Variants in DNAAF5 observed in about 807,000 individuals in gnomAD.
DNAAF5 encodes the protein dynein axonemal assembly factor 5.
DNAAF5 carries 64 observed loss-of-function variants against 75.8 expected under a neutral mutation model. The observed-to-expected ratio is 0.84, with a 90% CI of 0.69 to 1.04. DNAAF5 has a LOEUF of 1.04. Ranked by LOEUF, DNAAF5 falls within the 50% of genes least tolerant of loss-of-function variation. DNAAF5 has a pLI of 0.00. For missense variants in DNAAF5, 1,269 were observed against 1,178.5 expected (o/e 1.08, Z -1.12); for synonymous variants, 657 against 557.2 (o/e 1.18, Z -2.52).
intron 2 of DNAAF5, among the ~76,000 whole-genome samples, chr7:739,105 CA>C (rs1781824856): frequency 1.8e-5 from 1 of 54,258 alleles, no homozygotes; most frequent in Non-Finnish European, 4.0e-5. Flanking sequence ...CCCTCTGCCC[CA>C]TCACTGTATA....
At position 740,806 on chromosome 7, in the gene DNAAF5, C is replaced by T. The variant is rs762984807; in HGVS notation, c.781-13C>T. The T allele has an allele frequency of 2.5e-6, 4 of 1,613,210 alleles. No individual in the cohort carries two copies. In the East Asian group the frequency reaches 6.7e-5, roughly 27 times the overall value. On this transcript the variant is annotated splice_polypyrimidine_tract_variant and intron_variant, in intron 2 of 12. Coordinates refer to ENST00000297440, the MANE Select transcript of DNAAF5 (RefSeq NM_017802.4). ...TGCCTACACGAATCCTTATCCCTTCCTCTCATGCGCAGGTCCGGCGGGCGG... is the reference window on the plus strand; with the variant it reads ...TGCCTACACGAATCCTTATCCCTTCTTCTCATGCGCAGGTCCGGCGGGCGG...
intron 1 of DNAAF5, 136 bp from the exon 2 acceptor site, chr7:729,521 CTGTTCA>C: frequency 1.4e-6 from 1 of 732,016 alleles, no homozygotes; most frequent in South Asian, 1.8e-5. Context: ...GGATTGTGTA[CTGTTCA>C]TGCAGCAAGG....
intron 11 of DNAAF5, among the ~76,000 whole-genome samples, chr7:776,215 A>C (rs1778756592): frequency 6.6e-6 from 1 of 152,160 alleles, no homozygotes; most frequent in Non-Finnish European, 1.5e-5. Flanking sequence ...GCGCGCCTGT[A>C]GTTCCAGCTA....
At chr7:743,269 A>G (rs28756034) in intron 4 of DNAAF5, among the ~76,000 whole-genome samples, 121,163 of 151,998 alleles carry the variant, frequency 0.8, 48,566 homozygotes, top group Middle Eastern at 0.9. Flanking sequence ...CAGCTGCTCC[A>G]GAGGCTGAGG....
intron 6 of DNAAF5, among the ~76,000 whole-genome samples, chr7:761,205 A>G (rs915954854): frequency 7.9e-5 from 12 of 152,164 alleles, no homozygotes; most frequent in Non-Finnish European, 1.5e-4. Context: ...CCCATCAACA[A>G]GCACGCCCTT....
chr7:774,127 G>A lies in DNAAF5; in HGVS notation c.2011G>A (p.Ala671Thr), dbSNP rs751454661. Residue 671 changes from alanine (A) to threonine (T), a missense_variant, in exon 10 of 13, where the codon GCG becomes ACG. By Grantham distance (58) the Ala-to-Thr change is moderately conservative. Transcript: ENST00000297440. ...GCAGTGGCATGCGGGGAGGACAGCC[G>A]CGGCCATCCGCACGGCTGCCGTGTC... is the stretch of plus-strand genomic sequence containing the variant. ...NLQWHAGRTA[A>T]AIRTAAVSCL... is the part of the protein sequence containing the mutation. 4.5e-5 allele frequency: 73 copies of A among 1,612,966 alleles called. No individual in the cohort carries two copies. The South Asian group carries it at 4.7e-4, about 10-fold the overall frequency.
rs1160773035 is a variant in DNAAF5 at position 746,777 on chromosome 7, C to G, written c.1024+5312C>G. 2.6e-5 allele frequency among the ~76,000 whole-genome samples: 4 copies of G among 152,296 alleles called. No individual in the cohort carries two copies. In the South Asian group the frequency reaches 8.3e-4, roughly 32 times the overall value. ...GGGCTGCAGCTCTGTGAGTTTTGAG[C>G]AGCACCGCCTCTGTCCCCTGCATGT... On this transcript the variant is annotated intron_variant, in intron 4 of 12. Coordinates refer to ENST00000297440, the MANE Select transcript of DNAAF5 (RefSeq NM_017802.4).
At chr7:764,981 CGTG>C (rs1782776117) in intron 8 of DNAAF5, among the ~76,000 whole-genome samples, 1 of 151,948 alleles carries the variant, frequency 6.6e-6, no homozygotes. Context: ...GTTAGCCAGG[CGTG>C]GTGGTGTGCG....
intron 8 of DNAAF5, among the ~76,000 whole-genome samples, chr7:770,236 G>A (rs1778509007): frequency 6.6e-6 from 1 of 152,234 alleles, no homozygotes; most frequent in South Asian, 2.1e-4. Context: ...ATAGGCATGA[G>A]CCACCATGCC....
intron 12 of DNAAF5, among the ~76,000 whole-genome samples, chr7:783,679 G>A (rs1418077256): frequency 6.6e-6 from 1 of 152,170 alleles, no homozygotes; most frequent in African/African-American, 2.4e-5. Context: ...TGCAGGCCTC[G>A]CTGGGACAGC....
chr7:769,098 GGCAAGGGCAGGT>G, intron 8 of DNAAF5: 1 of 740,252 alleles, frequency 1.4e-6, no homozygotes, highest in Non-Finnish European at 2.5e-6. Flanking sequence ...GTCTCCGTGT[GGCAAGGGCAGGT>G]GCGGGGGTCT....
At chr7:782,576 GA>G (rs1779001436) in intron 12 of DNAAF5, among the ~76,000 whole-genome samples, 1 of 130,722 alleles carries the variant, frequency 7.6e-6, no homozygotes, top group African/African-American at 3.0e-5. Context: ...CAGAAACTCG[GA>G]TCTTCCCGGC....
intron 2 of DNAAF5, among the ~76,000 whole-genome samples, chr7:739,539 C>T (rs930392662): frequency 6.6e-6 from 1 of 152,218 alleles, no homozygotes; most frequent in Admixed American, 6.5e-5. Context: ...TTAATGACCC[C>T]GGCAAACGCG....
intron 4 of DNAAF5, among the ~76,000 whole-genome samples, chr7:753,261 A>C (rs192529201): frequency 1.3e-5 from 2 of 152,280 alleles, no homozygotes; most frequent in Non-Finnish European, 2.9e-5. Context: ...AGCGGGCACT[A>C]AACTGGCATC....
Position 754,772 on chromosome 7 carries a change from G to A in DNAAF5, c.1208G>A (p.Arg403Gln), listed in dbSNP as rs149778130. 856 of 1,612,996 alleles carry A rather than the reference G, an allele frequency of 5.3e-4. 1 individual carries two copies. The highest frequency in any genetic ancestry group is 6.6e-4 in the Non-Finnish European group (781 of 1,179,774). The change falls in exon 5 of 13, where the codon CGG becomes CAG. Residue 403 changes from arginine (R) to glutamine (Q), a missense_variant. Coordinates refer to ENST00000297440, the MANE Select transcript of DNAAF5 (RefSeq NM_017802.4). The surrounding 1 kb of genome is among the most constrained non-coding windows in gnomAD (Gnocchi z 4.8). ...ACGCAGCACCTGGAGGTCGTCCTCC[G>A]GACCCTGTTCCAGGCCTGCACCGAC... ...HATQHLEVVLRTLFQACTDEE... is the reference protein window; with the variant it reads ...HATQHLEVVLQTLFQACTDEE...
intron 9 of DNAAF5, 23 bp downstream of exon 9, chr7:770,641 C>CA (rs765465909): frequency 5.6e-6 from 9 of 1,607,738 alleles, no homozygotes; most frequent in Non-Finnish European, 6.8e-6. Flanking sequence ...TCTGCCTCTG[C>CA]ACGGCCCCCA....
chr7:740,399 A>G (rs1462932211), intron 2 of DNAAF5, among the ~76,000 whole-genome samples: 2 of 152,206 alleles, frequency 1.3e-5, no homozygotes, highest in Non-Finnish European at 2.9e-5. Flanking sequence ...CACTTGCTGT[A>G]GCCACGGCTC....
In DNAAF5 at chr7:754,458, C is replaced by T. The variant is rs544511661; in HGVS notation, c.1025-131C>T. On this transcript the variant is annotated intron_variant, in intron 4 of 12. Transcript: ENST00000297440. The surrounding 1 kb of genome is among the most constrained non-coding windows in gnomAD (Gnocchi z 4.8). ...GACGGGGCATTTGTCAGCTTTGCGT[C>T]CACCCCAAGACTTGTTTTGAAATGG... 104 of 782,000 alleles carry T rather than the reference C, an allele frequency of 1.3e-4. No homozygotes were observed. The African/African-American group carries it at 1.5e-3, about 11-fold the overall frequency. 48.4% of individuals were successfully genotyped at this position (782,000 alleles called of 1,614,324 possible).
chr7:756,999 G>A lies in DNAAF5; in HGVS notation c.1470+5G>A. On this transcript the variant is annotated splice_donor_5th_base_variant and intron_variant, in intron 6 of 12. Transcript: ENST00000297440. The stretch of plus-strand genomic sequence containing the variant: ...ATCTGCCAGGCATCTGAAAACGTAA[G>A]AGCACTTGGGAGATGCGGGAGTGGA... 1.3e-6 allele frequency: 2 copies of A among 1,598,992 alleles called. No individual in the cohort carries two copies. The highest frequency in any genetic ancestry group is 1.1e-5 in the South Asian group (1 of 90,862).
Sources: gnomAD v4.1 joint callset for allele counts (sites outside exome capture counted in the v4.1 genomes callset) on GRCh38, gnomAD v4.1.1 for gene constraint, Gnocchi (gnomAD v3.1) non-coding constraint, MANE v1.5 for transcripts, NCBI Gene and HGNC (gene_info 2026-07-23, HGNC 2026-07-21) for gene names.